NCKAP5: variants seen among roughly 807,000 people sequenced by gnomAD.
NCKAP5 encodes NCK associated protein 5.
A neutral mutation model predicts 167.0 loss-of-function variants in NCKAP5; 92 were observed. The observed-to-expected ratio is 0.55, with a 90% confidence interval of 0.47 to 0.66. NCKAP5 has a LOEUF of 0.66. NCKAP5 is among the 30% of genes least tolerant of loss of function. NCKAP5 has a pLI of 0.00. For synonymous variants in NCKAP5, 891 were observed against 877.4 expected (o/e 1.02, Z -0.27); for missense variants, 2,378 against 2,315.0 (o/e 1.03, Z -0.56).
chr2:133,465,478 T>C lies in NCKAP5; in HGVS notation c.69+51980A>G, dbSNP rs980759125. The stretch of plus-strand genomic sequence containing the variant: ...ATGCCGCAATAAACACACGTGTGCA[T>C]GTGTCTTTATAGCAGCATGATTTAT... On this transcript the variant is annotated intron_variant, in intron 3 of 19. Coordinates refer to ENST00000409261, the MANE Select transcript of NCKAP5 (RefSeq NM_207363.3). Among the ~76,000 whole-genome samples, 135 of 152,170 alleles carry C rather than the reference T, an allele frequency of 8.9e-4. 1 individual carries two copies. The highest frequency in any genetic ancestry group is 1.7e-3 in the Non-Finnish European group (118 of 68,000).
intron 3 of NCKAP5, among the ~76,000 whole-genome samples, chr2:133,474,762 A>C (rs2151295084): frequency 6.6e-6 from 1 of 152,042 alleles, no homozygotes; most frequent in Admixed American, 6.6e-5. Context: ...AATATTGCTA[A>C]GTCTTTGGAA....
In NCKAP5 at chr2:132,783,571, G is replaced by A; in HGVS notation, c.3240C>T (p.Ser1080=). Residue 1080 remains serine (S), a synonymous_variant, in exon 14 of 20, where the codon TCC becomes TCT. Transcript: ENST00000409261. ...PSTHEPLEMT[S]SKSVSPGRKG... The stretch of plus-strand genomic sequence containing the variant: ...TTCTCCCTGGAGATACACTTTTGGA[G>A]GACGTCATTTCCAGTGGCTCATGGG... 1 of 1,613,966 alleles carries A rather than the reference G, an allele frequency of 6.2e-7. No homozygotes were observed. Among genetic ancestry groups the A allele is most frequent in the Non-Finnish European group, 8.5e-7 (1 of 1,179,884 alleles).
the NCKAP5 span, among the ~76,000 whole-genome samples, chr2:133,610,025 C>T: frequency 1.3e-5 from 2 of 152,176 alleles, no homozygotes; most frequent in Non-Finnish European, 2.9e-5. Flanking sequence ...CAATAGGAGG[C>T]AAATGATCCT....
rs569356040 is a variant in NCKAP5, at chr2:133,190,460, A to G, written c.207+23256T>C. ...GAACCAAAAAAGAGCCCACATTGCCAAGACAATCCTAAGCCAAAAGAACAA... is the reference window on the plus strand; with the variant it reads ...GAACCAAAAAAGAGCCCACATTGCCGAGACAATCCTAAGCCAAAAGAACAA... On this transcript the variant is annotated intron_variant, in intron 5 of 19. Transcript: ENST00000409261. Among the ~76,000 whole-genome samples, 131 of 152,264 alleles carry G rather than the reference A, an allele frequency of 8.6e-4. 1 individual carries two copies. Among genetic ancestry groups the G allele is most frequent in the Admixed American group, 8.3e-3 (127 of 15,290 alleles).
rs540874150 is a variant in NCKAP5, at chr2:133,350,996, C to A, written c.70-47886G>T. On this transcript the variant is annotated intron_variant, in intron 3 of 19. Coordinates refer to ENST00000409261, the MANE Select transcript of NCKAP5 (RefSeq NM_207363.3). ...ATTAAATGCCCTCAAACACCCTGAGCCACATCTTTGAATTGCTTATTACAG... is the reference window on the plus strand; with the variant it reads ...ATTAAATGCCCTCAAACACCCTGAGACACATCTTTGAATTGCTTATTACAG... Among the ~76,000 whole-genome samples the A allele has an allele frequency of 2.0e-5, 3 of 152,256 alleles. No individual in the cohort carries two copies. The South Asian group carries it at 6.2e-4, about 32-fold the overall frequency.
intron 5 of NCKAP5, among the ~76,000 whole-genome samples, chr2:133,205,328 T>C (rs908611122): frequency 5.3e-5 from 8 of 150,674 alleles, no homozygotes; most frequent in East Asian, 1.9e-4. Flanking sequence ...GACAGACAGA[T>C]AGATAAAGAT....
At chr2:133,669,191 A>T in the NCKAP5 span, among the ~76,000 whole-genome samples, 1 of 152,154 alleles carries the variant, frequency 6.6e-6, no homozygotes, top group East Asian at 1.9e-4. Flanking sequence ...GGGGAATGAA[A>T]ATAAGGCAAG....
chr2:132,700,858 C>A (rs1324441560), intron 19 of NCKAP5, among the ~76,000 whole-genome samples: 1 of 143,518 alleles, frequency 7.0e-6, no homozygotes, highest in African/African-American at 2.6e-5. Flanking sequence ...TCCATTTCAA[C>A]TTTCAAATTC....
chr2:133,212,454 G>A (rs897255826), intron 5 of NCKAP5, among the ~76,000 whole-genome samples: 1 of 152,032 alleles, frequency 6.6e-6, no homozygotes, highest in Non-Finnish European at 1.5e-5. Flanking sequence ...TGCAACCTCC[G>A]CCTCCCAGGT....
chr2:133,231,565 G>C (rs1004013252), intron 4 of NCKAP5, among the ~76,000 whole-genome samples: 1 of 152,066 alleles, frequency 6.6e-6, no homozygotes, highest in African/African-American at 2.4e-5. Flanking sequence ...CTATCAAAAG[G>C]CTTTATTTGG....
chr2:133,329,980 A>G (rs916092268), intron 3 of NCKAP5, among the ~76,000 whole-genome samples: 7 of 150,144 alleles, frequency 4.7e-5, no homozygotes, highest in Non-Finnish European at 7.4e-5. Flanking sequence ...CTAAGACACT[A>G]TGAAAGATAA....
chr2:133,109,184 C>T (rs1443030331), intron 6 of NCKAP5, among the ~76,000 whole-genome samples: 4 of 152,106 alleles, frequency 2.6e-5, no homozygotes, highest in East Asian at 3.9e-4. Flanking sequence ...TTGGGATAAA[C>T]GTGCTTTATA....
At chr2:132,785,756 A>T in intron 13 of NCKAP5, 38 bp from the exon 14 acceptor site, 1 of 1,416,132 alleles carries the variant, frequency 7.1e-7, no homozygotes, top group Non-Finnish European at 9.3e-7. Flanking sequence ...TGATTGAACC[A>T]TGTAGATCAC....
chr2:132,868,097 C>T lies in NCKAP5; in HGVS notation c.687+839G>A, dbSNP rs185378383. On this transcript the variant is annotated intron_variant, in intron 10 of 19. Transcript: ENST00000409261. Reference sequence around the variant, plus strand: ...TTTTCAATTAAAAAAATCAAAATGGCATAAATTATTTTGCTGCCATTTATC... The same window carrying T: ...TTTTCAATTAAAAAAATCAAAATGGTATAAATTATTTTGCTGCCATTTATC... Among the ~76,000 whole-genome samples, 3 of 152,182 alleles carry T rather than the reference C, an allele frequency of 2.0e-5. No homozygotes were observed. In the East Asian group the frequency reaches 5.8e-4, roughly 29 times the overall value.
intron 16 of NCKAP5, among the ~76,000 whole-genome samples, chr2:132,753,996 A>G (rs56821759): frequency 3.5e-4 from 54 of 152,334 alleles, no homozygotes; most frequent in African/African-American, 1.3e-3. Flanking sequence ...TGAGACTCGC[A>G]TTCTATACTC....
intron 8 of NCKAP5, among the ~76,000 whole-genome samples, chr2:132,952,211 C>T (rs567756010): frequency 3.2e-4 from 49 of 152,218 alleles, no homozygotes; most frequent in African/African-American, 8.9e-4. Context: ...TTTAATGTTG[C>T]CCCTATAGTT....
intron 3 of NCKAP5, among the ~76,000 whole-genome samples, chr2:133,410,642 G>C (rs1688717171): frequency 6.6e-6 from 1 of 152,136 alleles, no homozygotes; most frequent in Non-Finnish European, 1.5e-5. Flanking sequence ...ATCGCAGGGA[G>C]CTTCTTAGAA....
At chr2:133,433,875 GATCT>G (rs1224372294) in intron 3 of NCKAP5, 1 of 152,142 alleles carries the variant, frequency 6.6e-6, no homozygotes, top group Non-Finnish European at 1.5e-5. Context: ...TGGGACTACA[GATCT>G]ATCTAACTTC....
rs921513823 is a variant in NCKAP5 at position 133,010,910 on chromosome 2, G to A, written c.342-16671C>T. Among the ~76,000 whole-genome samples the A allele has an allele frequency of 5.3e-5, 8 of 152,228 alleles. No homozygotes were observed. In the East Asian group the frequency reaches 1.3e-3, roughly 26 times the overall value. ...CAAGGATACTTGAGGGGAAAGGGCA[G>A]AGAATCTATATACTGAAACTAATTT... is the stretch of plus-strand genomic sequence containing the variant. On this transcript the variant is annotated intron_variant, in intron 6 of 19. Coordinates refer to ENST00000409261, the MANE Select transcript of NCKAP5 (RefSeq NM_207363.3).
Sources: gnomAD v4.1 joint callset for allele counts (sites outside exome capture counted in the v4.1 genomes callset) on GRCh38, gnomAD v4.1.1 for gene constraint, MANE v1.5 for transcripts, NCBI Gene and HGNC (gene_info 2026-07-23, HGNC 2026-07-21) for gene names.